The following PACRG variants were observed in gnomAD, a reference collection of about 807,000 sequenced individuals.
PACRG encodes parkin coregulated.
In PACRG, 29 loss-of-function variants were observed where a neutral mutation model predicts 29.7. The observed-to-expected ratio is 0.98, with a 90% CI of 0.73 to 1.33. The LOEUF (loss-of-function observed/expected upper bound fraction) is 1.33, where lower values mean the gene tolerates loss of function less well. Among genes scored for constraint, PACRG ranks in the 40% most tolerant of loss-of-function variants. The pLI is 0.00. For synonymous variants in PACRG, 116 were observed against 118.7 expected (o/e 0.98, Z 0.15); for missense variants, 279 against 316.2 (o/e 0.88, Z 0.89).
At chr6:163,285,854 C>T (rs1408864805) in intron 4 of PACRG, among the ~76,000 whole-genome samples, 1 of 152,116 alleles carries the variant, frequency 6.6e-6, no homozygotes. Context: ...CCGCCTCGAC[C>T]GGTTTGATTT....
At chr6:163,046,719 TCTAACA>T (rs1256765627) in intron 2 of PACRG, 1 of 152,184 alleles carries the variant, frequency 6.6e-6, no homozygotes, top group Non-Finnish European at 1.5e-5. Flanking sequence ...GTTATATTTC[TCTAACA>T]CACTTTCCTT....
chr6:162,842,801 A>G (rs1248455423), intron 2 of PACRG, among the ~76,000 whole-genome samples: 8 of 129,244 alleles, frequency 6.2e-5, no homozygotes, highest in Non-Finnish European at 9.5e-5. Context: ...GGTGGTGACA[A>G]AATCTCTCAG....
At chr6:163,120,437 A>G (rs1241258434) in intron 4 of PACRG, among the ~76,000 whole-genome samples, 2 of 152,150 alleles carry the variant, frequency 1.3e-5, no homozygotes, top group Non-Finnish European at 2.9e-5. Flanking sequence ...GGGGTGAGGC[A>G]TTTTAGCTCC....
chr6:163,277,464 AT>A (rs1310101261), intron 4 of PACRG, among the ~76,000 whole-genome samples: 1 of 141,920 alleles, frequency 7.0e-6, no homozygotes, highest in African/African-American at 2.7e-5. Flanking sequence ...GTAGTATCTC[AT>A]GGTGTGTGTG....
chr6:162,898,937 G>A (rs1292340627), intron 2 of PACRG, among the ~76,000 whole-genome samples: 1 of 152,166 alleles, frequency 6.6e-6, no homozygotes, highest in Admixed American at 6.5e-5. Context: ...TCATTATTTA[G>A]TATCTAGACA....
chr6:163,103,325 G>A (rs564545556), intron 4 of PACRG, among the ~76,000 whole-genome samples: 1 of 152,248 alleles, frequency 6.6e-6, no homozygotes, highest in African/African-American at 2.4e-5. Flanking sequence ...AACTGCTAGA[G>A]GCGGCCCACA....
intron 1 of PACRG, among the ~76,000 whole-genome samples, chr6:162,734,362 C>T (rs1779999928): frequency 6.6e-6 from 1 of 152,010 alleles, no homozygotes; most frequent in South Asian, 2.1e-4. Context: ...CACCTTAAGT[C>T]ATTTTGATTT....
chr6:162,804,852 G>A (rs1786184782), intron 1 of PACRG, among the ~76,000 whole-genome samples: 1 of 152,156 alleles, frequency 6.6e-6, no homozygotes, highest in Non-Finnish European at 1.5e-5. Context: ...TTCCTTAAAT[G>A]TGGGGATCCA....
At chr6:162,888,958 A>G (rs1028972573) in intron 2 of PACRG, among the ~76,000 whole-genome samples, 2 of 152,226 alleles carry the variant, frequency 1.3e-5, no homozygotes, top group Non-Finnish European at 2.9e-5. Context: ...TCATGCGGCC[A>G]TGGGATCAGA....
intron 2 of PACRG, among the ~76,000 whole-genome samples, chr6:163,021,515 C>T (rs1280505287): frequency 6.6e-6 from 1 of 152,198 alleles, no homozygotes; most frequent in Admixed American, 6.5e-5. Flanking sequence ...AGATGTTTGT[C>T]TCGCTCCAGG....
intron 2 of PACRG, among the ~76,000 whole-genome samples, chr6:162,913,535 G>A (rs976300799): frequency 2.0e-5 from 3 of 152,106 alleles, no homozygotes; most frequent in African/African-American, 7.2e-5. Flanking sequence ...ACAATTTTTT[G>A]TTGGGACACA....
chr6:163,018,997 C>G (rs558941289), intron 2 of PACRG, among the ~76,000 whole-genome samples: 53 of 152,262 alleles, frequency 3.5e-4, no homozygotes, highest in Middle Eastern at 6.8e-3. Context: ...ATTTAGGCAT[C>G]ATTTCCTGAT....
chr6:162,767,361 T>C (rs1782880045), intron 1 of PACRG, among the ~76,000 whole-genome samples: 2 of 151,990 alleles, frequency 1.3e-5, no homozygotes, highest in Admixed American at 1.3e-4. Context: ...TATATCCTTC[T>C]GGTGACTATA....
intron 4 of PACRG, among the ~76,000 whole-genome samples, chr6:163,280,428 C>A (rs2128183569): frequency 6.6e-6 from 1 of 151,842 alleles, no homozygotes; most frequent in African/African-American, 2.4e-5. Flanking sequence ...ACCCCATAGG[C>A]ACACACAGAG....
At chr6:163,082,672 T>C (rs901395255) in intron 3 of PACRG, among the ~76,000 whole-genome samples, 9 of 152,192 alleles carry the variant, frequency 5.9e-5, no homozygotes, top group South Asian at 2.1e-4. Flanking sequence ...TTTTATAAAA[T>C]GAGGTCCGAG....
chr6:163,212,904 G>A (rs943294054), intron 4 of PACRG, among the ~76,000 whole-genome samples: 13 of 151,578 alleles, frequency 8.6e-5, no homozygotes, highest in East Asian at 3.9e-4. Flanking sequence ...TCAGCCTCCC[G>A]AGTAGCTGGA....
chr6:163,228,720 G>T (rs1031423066), intron 4 of PACRG, among the ~76,000 whole-genome samples: 3 of 152,168 alleles, frequency 2.0e-5, no homozygotes, highest in African/African-American at 4.8e-5. Flanking sequence ...AAAATAAAAA[G>T]AAACCTTTAT....
At position 162,927,788 on chromosome 6, in the gene PACRG, C is replaced by T. The variant is rs546765574; in HGVS notation, c.291+113507C>T. On this transcript the variant is annotated intron_variant, in intron 2 of 4. Coordinates refer to ENST00000366888, the MANE Select transcript of PACRG (RefSeq NM_001080379.2). ...CACATTCTGCACATGTATCCTAGAA[C>T]TTAAAATTAAAAAAAGCAAAGCAAA... Among the ~76,000 whole-genome samples, 6 of 151,626 alleles carry T rather than the reference C, an allele frequency of 4.0e-5. No individual in the cohort carries two copies. In the South Asian group the frequency reaches 8.3e-4, roughly 21 times the overall value.
intron 4 of PACRG, among the ~76,000 whole-genome samples, chr6:163,216,888 A>G (rs1001223067): frequency 6.6e-6 from 1 of 152,230 alleles, no homozygotes; most frequent in African/African-American, 2.4e-5. Context: ...ACAATATTCA[A>G]TGTGCTTGCT....
Sources: allele counts gnomAD v4.1 joint callset (sites outside exome capture counted in the v4.1 genomes callset), GRCh38; gene constraint gnomAD v4.1.1; transcripts MANE v1.5; gene names NCBI Gene and HGNC (gene_info 2026-07-23, HGNC 2026-07-21).